KREMEN1: variants seen among roughly 807,000 people sequenced by gnomAD.
KREMEN1 encodes the protein kremen protein 1.
Under a neutral mutation model 46.5 loss-of-function variants are expected in KREMEN1, and 30 were observed. The observed-to-expected ratio is 0.65, with a 90% CI of 0.48 to 0.88. The LOEUF is 0.88. Among genes scored for constraint, KREMEN1 ranks in the 40% least tolerant of loss-of-function variants. The pLI is 0.00. For missense variants in KREMEN1, 533 were observed against 596.9 expected, an observed-to-expected ratio of 0.89 and a Z score of 1.11; for synonymous variants, 214 against 230.6, an observed-to-expected ratio of 0.93 and a Z score of 0.65.
At chr22:29,131,523 C>CATATATATATATATAT (rs148738725) in intron 5 of KREMEN1, among the ~76,000 whole-genome samples, 11 of 93,726 alleles carry the variant, frequency 1.2e-4, no homozygotes, top group African/African-American at 7.0e-4. Context: ...GTATTCTGTT[C>CATATATATATATATAT]ATATATATAT....
rs140089359 is a variant in KREMEN1, at chr22:29,128,315, A to G, written c.631+2899A>G. Among the ~76,000 whole-genome samples the G allele has an allele frequency of 9.0e-3, 1,367 of 152,310 alleles. 14 individuals carry two copies. Among genetic ancestry groups the G allele is most frequent in the African/African-American group, 0.031 (1,304 of 41,576 alleles). On this transcript the variant is annotated intron_variant, in intron 5 of 8. Coordinates refer to ENST00000400335, the MANE Select transcript of KREMEN1 (RefSeq NM_001039570.3). Reference sequence around the variant, plus strand: ...ACTTTGATATTTTCAATTTACAATGAGTTTATCAGGACATAACCCCATTAT... The same window carrying G: ...ACTTTGATATTTTCAATTTACAATGGGTTTATCAGGACATAACCCCATTAT...
chr22:29,092,058 G>C (rs1373608117), intron 1 of KREMEN1, among the ~76,000 whole-genome samples: 1 of 152,150 alleles, frequency 6.6e-6, no homozygotes, highest in Non-Finnish European at 1.5e-5. Context: ...TTTGTTTTGA[G>C]TGCCATCATT....
In KREMEN1 at chr22:29,145,884, G is replaced by T. The variant is rs1194085042; in HGVS notation, c.*3772G>T. 18 of 985,620 alleles carry T rather than the reference G, an allele frequency of 1.8e-5. No homozygotes were observed. The highest frequency in any genetic ancestry group is 2.2e-5 in the Non-Finnish European group (18 of 829,982). The allele number at this position is 985,620 out of a possible 1,614,324, so 61.1% of individuals were successfully genotyped here. On this transcript the variant is annotated 3_prime_UTR_variant, in exon 9 of 9. Transcript: ENST00000400335. ...GCCCTCGGGTAGAACCCACGGGCGTGCCTGGGTGCGGCTCCACCCACATGC... is the reference window on the plus strand; with the variant it reads ...GCCCTCGGGTAGAACCCACGGGCGTTCCTGGGTGCGGCTCCACCCACATGC...
At chr22:29,097,727 A>G (rs943897857) in intron 2 of KREMEN1, among the ~76,000 whole-genome samples, 15 of 151,994 alleles carry the variant, frequency 9.9e-5, no homozygotes, top group African/African-American at 3.6e-4. Flanking sequence ...ACTATAGAGG[A>G]AATAAAATAA....
At position 29,073,233 on chromosome 22, in the gene KREMEN1, T is replaced by C; in HGVS notation, c.97+6T>C. The stretch of plus-strand genomic sequence containing the variant: ...CGGCCTCGGCCCCGGACCCGGTGAG[T>C]GTGAGCGACCCCCCGCCGCCCGCCC... On this transcript the variant is annotated splice_donor_region_variant and intron_variant, in intron 1 of 8. Coordinates refer to ENST00000400335, the MANE Select transcript of KREMEN1 (RefSeq NM_001039570.3). The surrounding 1 kb of genome is among the most constrained non-coding windows in gnomAD (Gnocchi z 4.4). The C allele has an allele frequency of 8.8e-7, 1 of 1,136,454 alleles. No homozygotes were observed. Among genetic ancestry groups the C allele is most frequent in the African/African-American group, 1.6e-5 (1 of 60,612 alleles). 70.4% of individuals were successfully genotyped at this position (1,136,454 alleles called of 1,614,324 possible).
chr22:29,163,048 T>C (rs1246438365), intron 9 of KREMEN1, among the ~76,000 whole-genome samples: 1 of 152,090 alleles, frequency 6.6e-6, no homozygotes, highest in Non-Finnish European at 1.5e-5. Context: ...CTCACACAAA[T>C]CTCATCTCGA....
At chr22:29,101,116 G>A (rs1601768964) in intron 3 of KREMEN1, among the ~76,000 whole-genome samples, 1 of 151,950 alleles carries the variant, frequency 6.6e-6, no homozygotes, top group Admixed American at 6.6e-5. Flanking sequence ...GCCAGGTTTG[G>A]TGGCATGCAC....
At chr22:29,131,383 T>TCTGTGGGGTGGGATATA (rs1397550431) in intron 5 of KREMEN1, among the ~76,000 whole-genome samples, 1 of 151,326 alleles carries the variant, frequency 6.6e-6, no homozygotes, top group Non-Finnish European at 1.5e-5. Flanking sequence ...GTTGTATACT[T>TCTGTGGGGTGGGATATA]CAGTGGGATT....
intron 5 of KREMEN1, chr22:29,133,971 G>A (rs2038614884): frequency 6.6e-6 from 1 of 151,940 alleles, no homozygotes; most frequent in Non-Finnish European, 1.5e-5. Flanking sequence ...TCTTTCCTCA[G>A]CTGTGTCTAG....
Position 29,142,204 on chromosome 22 carries a change from C to T in KREMEN1, c.*92C>T. ...TGTGGTTCTTCTCTGACAGACTCTTCCCCTCCTCTCCCTCTGCCTCGGCCT... is the reference window on the plus strand; with the variant it reads ...TGTGGTTCTTCTCTGACAGACTCTTTCCCTCCTCTCCCTCTGCCTCGGCCT... On this transcript the variant is annotated 3_prime_UTR_variant, in exon 9 of 9. Coordinates refer to ENST00000400335, the MANE Select transcript of KREMEN1 (RefSeq NM_001039570.3). 7.0e-7 allele frequency: 1 copy of T among 1,429,680 alleles called. No individual in the cohort carries two copies. Among genetic ancestry groups the T allele is most frequent in the South Asian group, 1.7e-5 (1 of 59,546 alleles). The allele number at this position is 1,429,680 out of a possible 1,614,324, so 88.6% of individuals were successfully genotyped here.
intron 8 of KREMEN1, 139 bp from the exon 9 acceptor site, chr22:29,141,805 C>T (rs2038766566): frequency 3.6e-6 from 2 of 556,196 alleles, no homozygotes; most frequent in Non-Finnish European, 5.8e-6. Context: ...GCACGCTAGT[C>T]CTTCAGATCT....
intron 1 of KREMEN1, among the ~76,000 whole-genome samples, chr22:29,083,381 T>C (rs536536399): frequency 5.9e-5 from 9 of 152,254 alleles, no homozygotes; most frequent in Non-Finnish European, 1.3e-4. Context: ...ATTCTTTAAC[T>C]GAAGTTTAAT....
At chr22:29,119,884 T>TA in intron 3 of KREMEN1, among the ~76,000 whole-genome samples, 1 of 152,340 alleles carries the variant, frequency 6.6e-6, no homozygotes, top group South Asian at 2.1e-4. Context: ...ATTTTGCAGA[T>TA]ATGATGAAAG....
At chr22:29,081,797 T>G (rs2037659257) in intron 1 of KREMEN1, among the ~76,000 whole-genome samples, 1 of 152,248 alleles carries the variant, frequency 6.6e-6, no homozygotes, top group African/African-American at 2.4e-5. Flanking sequence ...CATCTCTGAT[T>G]AGGACTTATC....
chr22:29,145,429 G>A lies in KREMEN1; in HGVS notation c.*3317G>A, dbSNP rs1022280537. On this transcript the variant is annotated 3_prime_UTR_variant, in exon 9 of 9. Transcript: ENST00000400335. ...AGAGCGTGGGAGGAGGCTGCACTGG[G>A]CCTGCGTGCCATCCTCACCCCTGTT... is the stretch of plus-strand genomic sequence containing the variant. 3.4e-5 allele frequency: 33 copies of A among 984,014 alleles called. No individual in the cohort carries two copies. The highest frequency in any genetic ancestry group is 5.2e-4 in the Middle Eastern group (1 of 1,912). The allele number at this position is 984,014 out of a possible 1,614,324, so 61.0% of individuals were successfully genotyped here.
intron 5 of KREMEN1, among the ~76,000 whole-genome samples, chr22:29,135,336 G>C (rs555972096): frequency 1.3e-5 from 2 of 152,272 alleles, no homozygotes; most frequent in African/African-American, 4.8e-5. Context: ...GACTTTTCTA[G>C]TCAAATCAGG....
rs529244859 is a variant in KREMEN1, at chr22:29,118,159, T to A, written c.353-3198T>A. Among the ~76,000 whole-genome samples the A allele has an allele frequency of 2.0e-5, 3 of 152,338 alleles. 1 individual carries two copies. The highest frequency in any genetic ancestry group is 1.9e-4 in the East Asian group (1 of 5,196). On this transcript the variant is annotated intron_variant, in intron 3 of 8. Transcript: ENST00000400335. ...TTTTCTTGTGGGATGTTGGCTGAAGTCCACCCTCAGTTCCTTACCACACAG... is the reference window on the plus strand; with the variant it reads ...TTTTCTTGTGGGATGTTGGCTGAAGACCACCCTCAGTTCCTTACCACACAG...
chr22:29,152,025 A>C (rs996115839), intron 9 of KREMEN1, among the ~76,000 whole-genome samples: 1 of 150,818 alleles, frequency 6.6e-6, no homozygotes, highest in Non-Finnish European at 1.5e-5. Flanking sequence ...AAAAAAAAAA[A>C]AGCACAGGAG....
chr22:29,136,574 CAAA>C (rs111377881), intron 5 of KREMEN1, among the ~76,000 whole-genome samples: 4 of 125,758 alleles, frequency 3.2e-5, no homozygotes, highest in Non-Finnish European at 3.3e-5. Flanking sequence ...GACTCCTTCT[CAAA>C]AAAAAAAAAA....
Sources: allele counts gnomAD v4.1 joint callset (sites outside exome capture counted in the v4.1 genomes callset), GRCh38; gene constraint gnomAD v4.1.1; non-coding constraint Gnocchi (gnomAD v3.1); transcripts MANE v1.5; gene names NCBI Gene and HGNC (gene_info 2026-07-23, HGNC 2026-07-21).